Variants in NUP188 observed in about 807,000 individuals in gnomAD.
NUP188 encodes nucleoporin 188.
NUP188 carries 97 observed loss-of-function variants against 223.0 expected under a neutral mutation model. The observed-to-expected ratio is 0.43, with a 90% CI of 0.37 to 0.51. The LOEUF (loss-of-function observed/expected upper bound fraction) is 0.51. Ranked by LOEUF, NUP188 falls within the 20% of genes least tolerant of loss-of-function variation. The probability of loss-of-function intolerance (pLI) is 0.00; values close to 1 mark genes in which losing one functional copy is unlikely to be tolerated. For missense variants in NUP188, 1,947 were observed against 2,175.6 expected (o/e 0.89, Z 2.09); for synonymous variants, 869 against 828.0 (o/e 1.05, Z -0.85).
intron 8 of NUP188, among the ~76,000 whole-genome samples, chr9:128,965,613 C>G (rs1842016553): frequency 1.3e-5 from 2 of 151,876 alleles, no homozygotes. Context: ...CTATTAAGCT[C>G]AGCTAATTTT....
At position 128,986,646 on chromosome 9, in the gene NUP188, G is replaced by T. The variant is rs376408405; in HGVS notation, c.2165G>T (p.Arg722Leu). Reference protein sequence around the residue: ...KEMLPSYHKWRYNSHGVREQI... With the variant: ...KEMLPSYHKWLYNSHGVREQI... ...ATGCTTCCCAGCTACCATAAGTGGC[G>T]CTACAACTCTCATGGAGTGAGGGAA... The change falls in exon 21 of 44, where the codon CGC (arginine) becomes CTC (leucine). Residue 722 changes from arginine to leucine, a missense_variant. This residue lies in a region of NUP188 where 225 missense variants were observed against 319.1 expected (regional missense o/e 0.71). Transcript: ENST00000372577. 1 of 1,614,160 alleles carries T rather than the reference G, an allele frequency of 6.2e-7. No individual in the cohort carries two copies. Among genetic ancestry groups the T allele is most frequent in the Non-Finnish European group, 8.5e-7 (1 of 1,180,044 alleles).
At chr9:128,957,964 T>G in intron 5 of NUP188, 46 bp from the exon 6 acceptor site, 2 of 1,483,712 alleles carry the variant, frequency 1.3e-6, no homozygotes, top group Non-Finnish European at 1.9e-6. Flanking sequence ...ATTACTTGAG[T>G]TTTGCCTAAA....
chr9:128,990,594 G>A (rs904015159), intron 25 of NUP188, among the ~76,000 whole-genome samples: 12 of 152,042 alleles, frequency 7.9e-5, no homozygotes, highest in Admixed American at 7.9e-4. Flanking sequence ...GCCGGGCATG[G>A]TGGCTCACGC....
Position 128,995,360 on chromosome 9 carries a change from T to C in NUP188, c.3197T>C (p.Phe1066Ser). 6.2e-7 allele frequency: 1 copy of C among 1,614,106 alleles called. No homozygotes were observed. The highest frequency in any genetic ancestry group is 8.5e-7 in the Non-Finnish European group (1 of 1,180,008). ...DQSLKDTLKK[F>S]SIEKRFAYWS... ...TCATTAAAGGATACACTGAAGAAAT[T>C]TTCCATCGAGAAACGCTTTGCCTAC... Residue 1066 changes from phenylalanine (F) to serine (S), a missense_variant, in exon 30 of 44, where the codon TTT becomes TCT. Phe to Ser is a radical substitution (Grantham distance 155). Coordinates refer to ENST00000372577, the MANE Select transcript of NUP188 (RefSeq NM_015354.3).
chr9:128,980,803 C>A, intron 14 of NUP188, 78 bp downstream of exon 14: 3 of 1,491,986 alleles, frequency 2.0e-6, no homozygotes, highest in South Asian at 1.2e-5. Context: ...TTTTGCTTTC[C>A]ACATTGCAGT....
rs532850442 is a variant in NUP188 at position 128,999,168 on chromosome 9, C to T, written c.3516-4C>T. On this transcript the variant is annotated splice_region_variant and splice_polypyrimidine_tract_variant and intron_variant, in intron 32 of 43. Transcript: ENST00000372577. ...ACGCCTGGCCCACCCAGTATTCTTT[C>T]TAGAGAGTTAGGTTCTGTGGATGAA... The T allele has an allele frequency of 1.1e-4, 173 of 1,613,694 alleles. No individual in the cohort carries two copies. The South Asian group carries it at 1.7e-3, about 16-fold the overall frequency.
At chr9:128,998,493 C>G (rs749456694) in intron 31 of NUP188, 45 bp from the exon 32 acceptor site, 1 of 1,532,482 alleles carries the variant, frequency 6.5e-7, no homozygotes, top group South Asian at 1.1e-5. Flanking sequence ...GGATGGCATG[C>G]GAATCTTTCC....
intron 25 of NUP188, among the ~76,000 whole-genome samples, chr9:128,991,162 C>CT (rs78549616): frequency 0.015 from 1,807 of 123,426 alleles, 40 homozygotes; most frequent in African/African-American, 0.039. Context: ...CTCCAGATTT[C>CT]TTTTTTTTTT....
chr9:128,958,107 C>T, intron 6 of NUP188, 53 bp downstream of exon 6: 3 of 1,444,890 alleles, frequency 2.1e-6, no homozygotes, highest in Non-Finnish European at 2.9e-6. Context: ...GTGACAGCTT[C>T]TTGACCTCAT....
At chr9:129,003,714 C>A in intron 38 of NUP188, 1 of 515,764 alleles carries the variant, frequency 1.9e-6, no homozygotes, top group Non-Finnish European at 3.5e-6. Context: ...ACACTTGGGG[C>A]CGGGCATGGT....
intron 8 of NUP188, 129 bp from the exon 9 acceptor site, chr9:128,968,377 C>A: frequency 1.5e-6 from 1 of 678,062 alleles, no homozygotes; most frequent in Non-Finnish European, 2.5e-6. Context: ...GCAGTTTGAG[C>A]AGCCATAATC....
rs200285591 is a variant in NUP188, at chr9:129,001,719, G to A, written c.4034G>A (p.Arg1345His). 100 of 1,613,184 alleles carry A rather than the reference G, an allele frequency of 6.2e-5. No homozygotes were observed. The highest frequency in any genetic ancestry group is 3.5e-4 in the African/African-American group (26 of 74,982). The part of the protein sequence containing the change: ...ATLHLLLTLA[R>H]TQQGATAVAG... ...TTGCATCTGCTCCTCACCCTGGCTC[G>A]CACTCAGCAGGTAGGAGGCCAGCCC... Residue 1345 changes from arginine (R) to histidine (H), a missense_variant, in exon 35 of 44, where the codon CGC (arginine) becomes CAC (histidine). By Grantham distance (29) the Arg-to-His change is conservative. Transcript: ENST00000372577.
intron 30 of NUP188, 148 bp from the exon 31 acceptor site, chr9:128,998,003 G>A (rs984840933): frequency 4.6e-6 from 3 of 657,626 alleles, no homozygotes; most frequent in Admixed American, 4.4e-5. Flanking sequence ...ACAGGCATGA[G>A]CCACCACGCC....
intron 1 of NUP188, 68 bp downstream of exon 1, chr9:128,947,819 CGGGA>C: frequency 7.7e-7 from 1 of 1,303,058 alleles, no homozygotes; most frequent in Non-Finnish European, 9.8e-7. Flanking sequence ...GGAAGCGGGG[CGGGA>C]ATTGGAGGCG....
At chr9:128,968,392 A>C in intron 8 of NUP188, 114 bp from the exon 9 acceptor site, 1 of 753,632 alleles carries the variant, frequency 1.3e-6, no homozygotes, top group Non-Finnish European at 2.2e-6. Flanking sequence ...ATAATCTGCC[A>C]CTGCACTGTA....
chr9:128,967,242 T>G (rs1842042186), intron 8 of NUP188, among the ~76,000 whole-genome samples: 1 of 152,194 alleles, frequency 6.6e-6, no homozygotes, highest in Admixed American at 6.6e-5. Flanking sequence ...ACTCCAGGCC[T>G]CAAACAGTCC....
At chr9:128,973,830 C>G (rs1378262397) in intron 12 of NUP188, among the ~76,000 whole-genome samples, 1 of 152,182 alleles carries the variant, frequency 6.6e-6, no homozygotes, top group Non-Finnish European at 1.5e-5. Flanking sequence ...TACGTATATA[C>G]ATGAAAATAT....
chr9:128,958,052 A>G lies in NUP188; in HGVS notation c.370A>G (p.Lys124Glu), dbSNP rs1031453605. ...GAGGCAGAGCCAGGCCTTAATCCTG[A>G]AGGTCAGTAGTAGTCACCATTTCTA... ...DERQSQALIL[K>E]IADYYYEERT... is the part of the protein sequence containing the mutation. Residue 124 changes from lysine to glutamate, a missense_variant and splice_region_variant, in exon 6 of 44, where the codon AAG becomes GAG. Around this residue, in one of 3 missense-constraint regions of NUP188, gnomAD observed 817 missense variants for 865.8 expected, o/e 0.94. Coordinates refer to ENST00000372577, the MANE Select transcript of NUP188 (RefSeq NM_015354.3). 2.5e-6 allele frequency: 4 copies of G among 1,611,836 alleles called. No individual in the cohort carries two copies. The African/African-American group carries it at 5.3e-5, about 22-fold the overall frequency.
chr9:128,985,003 A>G lies in NUP188; in HGVS notation c.2065A>G (p.Thr689Ala), dbSNP rs1842314064. The change falls in exon 20 of 44, where the codon ACC becomes GCC. Residue 689 changes from threonine to alanine, a missense_variant. By Grantham distance (58) the Thr-to-Ala change is moderately conservative. This residue lies in a region of NUP188 where 817 missense variants were observed against 865.8 expected (regional missense o/e 0.94). Transcript: ENST00000372577. ...TATTGCCTTTCTGCGCTTGATCACC[A>G]CCCTTGTCAAGGTACAGTCTGATTT... ...VTIAFLRLITTLVKGQLGSTQ... is the reference protein window; with the variant it reads ...VTIAFLRLITALVKGQLGSTQ... 2 of 1,610,666 alleles carry G rather than the reference A, an allele frequency of 1.2e-6. No individual in the cohort carries two copies. Among genetic ancestry groups the G allele is most frequent in the African/African-American group, 2.7e-5 (2 of 74,768 alleles).
Sources: gnomAD v4.1 joint callset for allele counts (sites outside exome capture counted in the v4.1 genomes callset) on GRCh38, gnomAD v4.1.1 for gene constraint, gnomAD v4.1.1 regional missense constraint, MANE v1.5 for transcripts, NCBI Gene and HGNC (gene_info 2026-07-23, HGNC 2026-07-21) for gene names.